DNAJC17: variants seen among roughly 807,000 people sequenced by gnomAD.
The protein encoded by DNAJC17 is DnaJ heat shock protein family (Hsp40) member C17.
In DNAJC17, 35 loss-of-function variants were observed where a neutral mutation model predicts 48.1. The observed-to-expected ratio is 0.73, with a 90% confidence interval of 0.56 to 0.96. The LOEUF (loss-of-function observed/expected upper bound fraction) is 0.96. DNAJC17 is among the 50% of genes least tolerant of loss of function. The pLI is 0.00. For missense variants in DNAJC17, 355 were observed against 377.1 expected, an observed-to-expected ratio of 0.94 and a Z score of 0.48; for synonymous variants, 117 against 142.7, an observed-to-expected ratio of 0.82 and a Z score of 1.28.
chr15:40,793,859 G>T (rs912006268), intron 1 of DNAJC17, among the ~76,000 whole-genome samples: 1 of 151,996 alleles, frequency 6.6e-6, no homozygotes, highest in African/African-American at 2.4e-5. Flanking sequence ...GTACAGAGCG[G>T]TTAAATATTT....
chr15:40,800,283 G>GTCTTGAAC (rs1352030475), intron 1 of DNAJC17, among the ~76,000 whole-genome samples: 1 of 152,102 alleles, frequency 6.6e-6, no homozygotes, highest in Non-Finnish European at 1.5e-5. Context: ...GGGCAGGCTG[G>GTCTTGAAC]TCTTGAACTA....
intron 1 of DNAJC17, among the ~76,000 whole-genome samples, chr15:40,799,155 G>A (rs1295223957): frequency 3.3e-5 from 5 of 149,348 alleles, no homozygotes; most frequent in Non-Finnish European, 5.9e-5. Context: ...AACCCGGGAG[G>A]CAGAGCTTGC....
At position 40,767,200 on chromosome 15, in the gene DNAJC17, ACC is replaced by A; in HGVS notation, c.*738_*739del. On this transcript the variant is annotated 3_prime_UTR_variant, in exon 11 of 11. Transcript: ENST00000220496. ...AGGAGCTTGCTGTGTGCCCCTCCTC[ACC>A]CCCCCCATCCTGTCTCTTTGCAGTT... is the stretch of plus-strand genomic sequence containing the variant. 1 of 1,457,628 alleles carries A rather than the reference ACC, an allele frequency of 6.9e-7. No individual in the cohort carries two copies. The highest frequency in any genetic ancestry group is 9.1e-7 in the Non-Finnish European group (1 of 1,101,438). The allele number at this position is 1,457,628 out of a possible 1,614,324, so 90.3% of individuals were successfully genotyped here. A position where few individuals can be genotyped will look rare whatever the true frequency, so the allele number is the denominator to read the frequency against.
rs142791552 is a variant in DNAJC17, at chr15:40,804,086, C to T, written c.78+3283G>A. ...GGCTCAAGTGATCCTCCCACCTCAG[C>T]CTCCCATGTAGCGGGGACTACAGGT... On this transcript the variant is annotated intron_variant, in intron 1 of 10. Coordinates refer to ENST00000220496, the MANE Select transcript of DNAJC17 (RefSeq NM_018163.3). Among the ~76,000 whole-genome samples the T allele has an allele frequency of 4.6e-5, 7 of 152,140 alleles. No individual in the cohort carries two copies. In the East Asian group the frequency reaches 1.2e-3, roughly 25 times the overall value.
Position 40,767,983 on chromosome 15 carries a change from A to G in DNAJC17, c.872T>C (p.Ile291Thr). 3 of 1,610,484 alleles carry G rather than the reference A, an allele frequency of 1.9e-6. No individual in the cohort carries two copies. Among genetic ancestry groups the G allele is most frequent in the Non-Finnish European group, 2.5e-6 (3 of 1,179,072 alleles). ...CTGGTCTTCCTGCTGCATCCGTGCG[A>G]TCAGCTGTTGCCGCTCGGCCGCCTG... is the stretch of plus-strand genomic sequence containing the variant. Reference protein sequence around the residue: ...MRQAAERQQLIARMQQEDQEG... With the variant: ...MRQAAERQQLTARMQQEDQEG... The change falls in exon 11 of 11, where the codon ATC (isoleucine) becomes ACC (threonine). Residue 291 changes from isoleucine to threonine, a missense_variant. Physicochemically the swap from Ile to Thr is moderately conservative, Grantham distance 89. This residue lies in a region of DNAJC17 where 88 missense variants were observed against 67.7 expected (regional missense o/e 1.30). Coordinates refer to ENST00000220496, the MANE Select transcript of DNAJC17 (RefSeq NM_018163.3).
chr15:40,779,153 T>C (rs745342812), intron 4 of DNAJC17, 70 bp downstream of exon 4: 2 of 1,466,700 alleles, frequency 1.4e-6, no homozygotes, highest in Non-Finnish European at 9.5e-7. Flanking sequence ...AAGTGAAGCT[T>C]CAGGTGAGGG....
chr15:40,790,516 T>C (rs940952439), intron 1 of DNAJC17, among the ~76,000 whole-genome samples: 74 of 152,092 alleles, frequency 4.9e-4, no homozygotes, highest in African/African-American at 1.7e-3. Flanking sequence ...GAGGCGGAGG[T>C]TGCAGTGAGC....
In DNAJC17 at chr15:40,776,568, G is replaced by A. The variant is rs751041536; in HGVS notation, c.355C>T (p.Arg119Trp). The change falls in exon 5 of 11, where the codon CGG becomes TGG. Residue 119 changes from arginine (R) to tryptophan (W), a missense_variant. This residue lies in a region of DNAJC17 where 199 missense variants were observed against 199.9 expected (regional missense o/e 1.00). Coordinates refer to ENST00000220496, the MANE Select transcript of DNAJC17 (RefSeq NM_018163.3). ...TCTTGCTCTAGTGTCCTGGTGCTCC[G>A]GCTCTCCTCTTCCTCCTCACTCTCC... ...AQESEEEEES[R>W]STRTLEQEIE... 94 of 1,613,870 alleles carry A rather than the reference G, an allele frequency of 5.8e-5. No individual in the cohort carries two copies. Among genetic ancestry groups the A allele is most frequent in the Middle Eastern group, 1.6e-4 (1 of 6,082 alleles).
intron 1 of DNAJC17, among the ~76,000 whole-genome samples, chr15:40,790,806 G>A (rs541338679): frequency 2.6e-5 from 4 of 152,218 alleles, no homozygotes; most frequent in Non-Finnish European, 4.4e-5. Flanking sequence ...TTAATGAATC[G>A]CTTACAGCTT....
chr15:40,783,786 C>T (rs1465918868), intron 1 of DNAJC17, among the ~76,000 whole-genome samples: 1 of 152,094 alleles, frequency 6.6e-6, no homozygotes, highest in African/African-American at 2.4e-5. Context: ...TCACTTGATT[C>T]CGGGGGGCAG....
At chr15:40,783,616 C>T (rs936938287) in intron 1 of DNAJC17, among the ~76,000 whole-genome samples, 7 of 152,202 alleles carry the variant, frequency 4.6e-5, no homozygotes, top group Non-Finnish European at 1.0e-4. Flanking sequence ...CTAATCCCAT[C>T]GCTGTGGGAG....
At chr15:40,768,280 G>T (rs1359412462) in intron 10 of DNAJC17, among the ~76,000 whole-genome samples, 1 of 152,166 alleles carries the variant, frequency 6.6e-6, no homozygotes, top group Non-Finnish European at 1.5e-5. Context: ...TACCCAGCCA[G>T]CTCCCCCTCC....
chr15:40,781,929 A>T (rs535003275), intron 1 of DNAJC17, among the ~76,000 whole-genome samples: 1 of 152,208 alleles, frequency 6.6e-6, no homozygotes, highest in East Asian at 1.9e-4. Context: ...CTCAAAAAAA[A>T]AAAATTTTTT....
In DNAJC17 at chr15:40,766,127, T is replaced by C. The variant is rs1888943558; in HGVS notation, c.*1813A>G. 2.4e-6 allele frequency: 1 copy of C among 411,292 alleles called. No individual in the cohort carries two copies. Among genetic ancestry groups the C allele is most frequent in the African/African-American group, 2.0e-5 (1 of 49,134 alleles). 25.5% of individuals were successfully genotyped at this position (411,292 alleles called of 1,614,324 possible). A position where few individuals can be genotyped will look rare whatever the true frequency, so the allele number is the denominator to read the frequency against. On this transcript the variant is annotated 3_prime_UTR_variant, in exon 11 of 11. Transcript: ENST00000220496. The stretch of plus-strand genomic sequence containing the variant: ...CCCCCACGAGGCTTGCTCTGAAAGC[T>C]TTCCACATCCTTACTGGAACCGCAG...
intron 10 of DNAJC17, chr15:40,771,306 GAAA>G: frequency 2.2e-6 from 1 of 453,996 alleles, no homozygotes; most frequent in African/African-American, 2.5e-5. Context: ...GCTATGCCGG[GAAA>G]GGGAGGCTGT....
chr15:40,805,525 C>T (rs1446940220), intron 1 of DNAJC17, among the ~76,000 whole-genome samples: 1 of 151,766 alleles, frequency 6.6e-6, no homozygotes, highest in African/African-American at 2.4e-5. Flanking sequence ...CCAGCCTGGG[C>T]GACAGAGCGA....
chr15:40,766,873 G>C lies in DNAJC17; in HGVS notation c.*1067C>G, dbSNP rs1888961334. On this transcript the variant is annotated 3_prime_UTR_variant, in exon 11 of 11. Coordinates refer to ENST00000220496, the MANE Select transcript of DNAJC17 (RefSeq NM_018163.3). ...CTGCAGCCTCAGCCTCCTCCTACCT[G>C]GAAGCCTGGGTGGGGAGCAAGCCCA... is the stretch of plus-strand genomic sequence containing the variant. The C allele has an allele frequency of 5.9e-6, 1 of 170,124 alleles. No individual in the cohort carries two copies. Among genetic ancestry groups the C allele is most frequent in the African/African-American group, 2.4e-5 (1 of 42,174 alleles). 10.5% of individuals were successfully genotyped at this position (170,124 alleles called of 1,614,324 possible).
chr15:40,776,111 C>T, intron 6 of DNAJC17, 85 bp downstream of exon 6: 1 of 1,317,988 alleles, frequency 7.6e-7, no homozygotes, highest in Non-Finnish European at 1.1e-6. Context: ...GCCTCCACAG[C>T]AGCTCCACCG....
rs1434874833 is a variant in DNAJC17, at chr15:40,775,602, A to C, written c.479-6T>G. On this transcript the variant is annotated splice_region_variant and splice_polypyrimidine_tract_variant and intron_variant, in intron 6 of 10. Coordinates refer to ENST00000220496, the MANE Select transcript of DNAJC17 (RefSeq NM_018163.3). ...TTCAGTATTTTCTGCCTTTCCTAGA[A>C]ATATTGGGAAAAGAAGAAAAGTAGA... The C allele has an allele frequency of 6.2e-6, 10 of 1,613,744 alleles. No individual in the cohort carries two copies. Among genetic ancestry groups the C allele is most frequent in the Non-Finnish European group, 8.5e-6 (10 of 1,179,802 alleles).
Sources: gnomAD v4.1 joint callset for allele counts (sites outside exome capture counted in the v4.1 genomes callset) on GRCh38, gnomAD v4.1.1 for gene constraint, gnomAD v4.1.1 regional missense constraint, MANE v1.5 for transcripts, NCBI Gene and HGNC (gene_info 2026-07-23, HGNC 2026-07-21) for gene names.